The following MARK3 variants were observed in gnomAD, a reference collection of about 807,000 sequenced individuals.
The protein encoded by MARK3 is microtubule affinity regulating kinase 3.
In MARK3, 46 loss-of-function variants were observed where a neutral mutation model predicts 90.1. The ratio of observed to expected loss-of-function variants is 0.51; its 90% CI spans 0.40 to 0.65. The LOEUF (loss-of-function observed/expected upper bound fraction) is 0.65. MARK3 is among the 30% of genes least tolerant of loss of function. The pLI is 0.00. For synonymous variants in MARK3, 321 were observed against 332.6 expected, an observed-to-expected ratio of 0.97 and a Z score of 0.38; for missense variants, 818 against 947.2, an observed-to-expected ratio of 0.86 and a Z score of 1.79.
intron 2 of MARK3, among the ~76,000 whole-genome samples, chr14:103,410,626 C>T (rs2091574458): frequency 6.6e-6 from 1 of 152,072 alleles, no homozygotes; most frequent in Admixed American, 6.6e-5. Flanking sequence ...CACTTGAGCC[C>T]AGGAGTACAA....
Position 103,458,454 on chromosome 14 carries a change from CAA to C in MARK3, c.483+1262_483+1263del, listed in dbSNP as rs36020485. 3.0e-3 allele frequency among the ~76,000 whole-genome samples: 91 copies of C among 30,786 alleles called. No homozygotes were observed. The East Asian group carries it at 0.089, about 30-fold the overall frequency. 20.2% of individuals were successfully genotyped at this position (30,786 alleles called of 152,430 possible). ...AGCCTGGGTGACAGAGACTCCATCTCAAAAAAAAAAAAAAAAAAAAAGAAGCA... is the reference window on the plus strand; with the variant it reads ...AGCCTGGGTGACAGAGACTCCATCTCAAAAAAAAAAAAAAAAAAAGAAGCA... On this transcript the variant is annotated intron_variant, in intron 6 of 17. Coordinates refer to ENST00000429436, the MANE Select transcript of MARK3 (RefSeq NM_001128918.3).
chr14:103,430,731 A>G (rs1459443747), intron 3 of MARK3, among the ~76,000 whole-genome samples: 1 of 152,232 alleles, frequency 6.6e-6, no homozygotes, highest in African/African-American at 2.4e-5. Flanking sequence ...CATTTACTAA[A>G]TGCACATATA....
intron 1 of MARK3, among the ~76,000 whole-genome samples, chr14:103,397,671 A>G (rs942453829): frequency 6.6e-6 from 1 of 152,174 alleles, no homozygotes; most frequent in South Asian, 2.1e-4. Flanking sequence ...CAAGTTTTTT[A>G]TTCTAAGGAT....
chr14:103,487,902 G>A (rs1345282242), intron 14 of MARK3, among the ~76,000 whole-genome samples: 1 of 152,072 alleles, frequency 6.6e-6, no homozygotes, highest in African/African-American at 2.4e-5. Flanking sequence ...CAAAAAATTA[G>A]CCGGGCGTGG....
intron 11 of MARK3, 169 bp downstream of exon 11, chr14:103,467,360 C>T (rs369297179): frequency 9.2e-6 from 4 of 436,686 alleles, no homozygotes; most frequent in East Asian, 3.8e-5. Flanking sequence ...GCTATTTTAA[C>T]TTAACCCTTA....
At chr14:103,463,087 C>T (rs1010839385) in intron 7 of MARK3, among the ~76,000 whole-genome samples, 1 of 151,814 alleles carries the variant, frequency 6.6e-6, no homozygotes, top group Admixed American at 6.6e-5. Flanking sequence ...TTTGTTTATT[C>T]ACTCTCCTTC....
intron 2 of MARK3, among the ~76,000 whole-genome samples, chr14:103,408,351 C>G (rs1469719722): frequency 6.6e-6 from 1 of 151,834 alleles, no homozygotes; most frequent in Non-Finnish European, 1.5e-5. Flanking sequence ...CCGCACCCAG[C>G]GAATTTTTTG....
chr14:103,503,108 A>G lies in MARK3; in HGVS notation c.2143A>G (p.Met715Val), dbSNP rs2075763882. The change falls in exon 18 of 18, where the codon ATG becomes GTG. Residue 715 changes from methionine (M) to valine (V), a missense_variant. Met to Val is a conservative substitution (Grantham distance 21). Coordinates refer to ENST00000429436, the MANE Select transcript of MARK3 (RefSeq NM_001128918.3). ...CGCGGAGAACCTCGTGCAGTGGGAA[A>G]TGGAAGTGTGCAAGCTGCCAAGACT... ...GHAENLVQWE[M>V]EVCKLPRLSL... The G allele has an allele frequency of 5.0e-6, 8 of 1,614,214 alleles. No individual in the cohort carries two copies. The highest frequency in any genetic ancestry group is 6.8e-6 in the Non-Finnish European group (8 of 1,180,044).
chr14:103,395,738 A>G lies in MARK3; in HGVS notation c.52-9338A>G, dbSNP rs1008256435. On this transcript the variant is annotated intron_variant, in intron 1 of 17. Transcript: ENST00000429436. ...CTTGATTGATATTTTGGCTGCATATAGAATTCTAGACTGAATGCCCTTTTT... is the reference window on the plus strand; with the variant it reads ...CTTGATTGATATTTTGGCTGCATATGGAATTCTAGACTGAATGCCCTTTTT... Among the ~76,000 whole-genome samples, 5 of 152,240 alleles carry G rather than the reference A, an allele frequency of 3.3e-5. No individual in the cohort carries two copies. In the East Asian group the frequency reaches 9.6e-4, roughly 29 times the overall value.
intron 5 of MARK3, among the ~76,000 whole-genome samples, chr14:103,454,063 T>C (rs969276110): frequency 1.3e-5 from 2 of 152,162 alleles, no homozygotes; most frequent in African/African-American, 4.8e-5. Context: ...GGATGGGCTC[T>C]GGAAGAGACA....
chr14:103,401,057 CAT>C (rs925319371), intron 1 of MARK3, among the ~76,000 whole-genome samples: 4 of 150,422 alleles, frequency 2.7e-5, no homozygotes, highest in African/African-American at 4.9e-5. Context: ...TACAAGAACT[CAT>C]AATTATTTGT....
intron 2 of MARK3, among the ~76,000 whole-genome samples, chr14:103,427,497 C>CA (rs71126021): frequency 0.032 from 3,505 of 110,792 alleles, 274 homozygotes; most frequent in African/African-American, 0.11. Context: ...GAGACTGTTT[C>CA]AAAAAAAAAA....
At chr14:103,477,520 T>C (rs2093735717) in intron 13 of MARK3, among the ~76,000 whole-genome samples, 2 of 152,082 alleles carry the variant, frequency 1.3e-5, no homozygotes, top group African/African-American at 2.4e-5. Context: ...TCCATAGCTG[T>C]GACTTGTTCC....
chr14:103,477,220 G>A (rs546864475), intron 13 of MARK3, among the ~76,000 whole-genome samples: 47 of 152,220 alleles, frequency 3.1e-4, no homozygotes, highest in East Asian at 7.7e-4. Context: ...GGCCAGGCAC[G>A]GTGGCTCACA....
At chr14:103,502,772 G>A in intron 17 of MARK3, 110 bp from the exon 18 acceptor site, 1 of 790,556 alleles carries the variant, frequency 1.3e-6, no homozygotes, top group Non-Finnish European at 2.0e-6. Context: ...AAAATGTGGA[G>A]GTCAGTCGTT....
At chr14:103,419,464 GA>G (rs376735873) in intron 2 of MARK3, among the ~76,000 whole-genome samples, 56 of 152,170 alleles carry the variant, frequency 3.7e-4, no homozygotes, top group African/African-American at 1.3e-3. Flanking sequence ...ATATTTTTAT[GA>G]AAAACAACTA....
At chr14:103,470,900 C>G (rs182474529) in intron 12 of MARK3, among the ~76,000 whole-genome samples, 11 of 152,314 alleles carry the variant, frequency 7.2e-5, no homozygotes, top group African/African-American at 2.4e-4. Flanking sequence ...ATTTCCATTT[C>G]TCTTCCTTCT....
At chr14:103,493,748 G>A (rs1389879625) in intron 15 of MARK3, among the ~76,000 whole-genome samples, 2 of 151,516 alleles carry the variant, frequency 1.3e-5, no homozygotes, top group Admixed American at 6.6e-5. Context: ...GGTGGTGGGC[G>A]CCTGGAGTCC....
At chr14:103,415,682 AC>A (rs1358232411) in intron 2 of MARK3, among the ~76,000 whole-genome samples, 2 of 152,286 alleles carry the variant, frequency 1.3e-5, no homozygotes, top group African/African-American at 4.8e-5. Flanking sequence ...CCTCACACGA[AC>A]TACAGAACTC....
Sources: gnomAD v4.1 joint callset for allele counts (sites outside exome capture counted in the v4.1 genomes callset) on GRCh38, gnomAD v4.1.1 for gene constraint, MANE v1.5 for transcripts, NCBI Gene and HGNC (gene_info 2026-07-23, HGNC 2026-07-21) for gene names.